The following SLC36A1 variants were observed in gnomAD, a reference collection of about 807,000 sequenced individuals.
SLC36A1 encodes proton-coupled amino acid transporter 1.
SLC36A1 carries 30 observed loss-of-function variants against 47.5 expected under a neutral mutation model. The observed-to-expected ratio is 0.63, with a 90% CI of 0.47 to 0.86. The LOEUF (loss-of-function observed/expected upper bound fraction) is 0.86, where lower values mean the gene tolerates loss of function less well. Ranked by LOEUF, SLC36A1 falls within the 40% of genes least tolerant of loss-of-function variation. The pLI is 0.00. For missense variants in SLC36A1, 517 were observed against 606.0 expected (o/e 0.85, Z 1.54); for synonymous variants, 255 against 249.7 (o/e 1.02, Z -0.20).
At chr5:151,389,122 T>C in the SLC36A1 span, among the ~76,000 whole-genome samples, 2 of 152,202 alleles carry the variant, frequency 1.3e-5, no homozygotes, top group Non-Finnish European at 2.9e-5. Flanking sequence ...GTATTTCAGG[T>C]CCGGTGGTTC....
downstream of SLC36A1, among the ~76,000 whole-genome samples, chr5:151,496,129 G>A (rs913198421): frequency 6.6e-6 from 1 of 152,084 alleles, no homozygotes; most frequent in Non-Finnish European, 1.5e-5. Flanking sequence ...TGACTGATTT[G>A]TGGGGGCATG....
the SLC36A1 span, among the ~76,000 whole-genome samples, chr5:151,421,983 G>GA: frequency 1.3e-5 from 2 of 152,120 alleles, no homozygotes; most frequent in East Asian, 1.9e-4. Flanking sequence ...GGAAACTGCA[G>GA]GAAAAAAACA....
the SLC36A1 span, among the ~76,000 whole-genome samples, chr5:151,418,523 T>A: frequency 5.3e-5 from 8 of 152,202 alleles, no homozygotes; most frequent in African/African-American, 1.9e-4. Flanking sequence ...AGCTTTAAGG[T>A]TTGACTGCCC....
At chr5:151,549,182 C>T in the SLC36A1 span, 1 of 962,846 alleles carries the variant, frequency 1.0e-6, no homozygotes, top group Non-Finnish European at 1.5e-6. Context: ...TATTGTTTGC[C>T]AAGGCTTAAT....
the SLC36A1 span, among the ~76,000 whole-genome samples, chr5:151,539,116 G>A: frequency 1.3e-5 from 2 of 152,114 alleles, no homozygotes; most frequent in African/African-American, 4.8e-5. Context: ...AATGATGGCT[G>A]AGGGAAAAGA....
chr5:151,466,357 A>C (rs1042296766), intron 5 of SLC36A1, among the ~76,000 whole-genome samples: 6 of 152,226 alleles, frequency 3.9e-5, no homozygotes, highest in African/African-American at 1.4e-4. Flanking sequence ...AGAAACATAC[A>C]CATGTTCTTA....
At chr5:151,390,646 C>G in the SLC36A1 span, among the ~76,000 whole-genome samples, 1 of 152,208 alleles carries the variant, frequency 6.6e-6, no homozygotes, top group South Asian at 2.1e-4. Flanking sequence ...TTTCCCAGCA[C>G]CATTTATTAA....
At chr5:151,510,931 C>T in the SLC36A1 span, 1 of 152,658 alleles carries the variant, frequency 6.6e-6, no homozygotes, top group African/African-American at 2.4e-5. Flanking sequence ...AGAGTTTGAA[C>T]TATGGCCTGG....
the SLC36A1 span, among the ~76,000 whole-genome samples, chr5:151,350,807 T>C: frequency 1.3e-5 from 2 of 151,874 alleles, no homozygotes; most frequent in Admixed American, 1.3e-4. Context: ...GCTCAAGTGA[T>C]CCTCCCACCT....
intron 1 of SLC36A1, among the ~76,000 whole-genome samples, chr5:151,439,913 T>G (rs1752522978): frequency 6.6e-6 from 1 of 152,212 alleles, no homozygotes; most frequent in South Asian, 2.1e-4. Flanking sequence ...TTTTTCTAAT[T>G]TCCACTCCAA....
At chr5:151,507,704 C>A in the SLC36A1 span, 104 of 1,151,538 alleles carry the variant, frequency 9.0e-5, no homozygotes, top group Middle Eastern at 3.0e-4. Context: ...ACTGCTCCCC[C>A]CAAAACCTAC....
intron 10 of SLC36A1, among the ~76,000 whole-genome samples, chr5:151,485,487 T>A (rs1031995581): frequency 2.0e-5 from 3 of 152,206 alleles, no homozygotes; most frequent in African/African-American, 7.2e-5. Context: ...AAAGCTAGCC[T>A]GGGTATCTAC....
At chr5:151,540,879 TCCTTCC>T in the SLC36A1 span, 1 of 964,786 alleles carries the variant, frequency 1.0e-6, no homozygotes, top group South Asian at 1.8e-5. Context: ...AGCAAACATT[TCCTTCC>T]TTAACTAGGA....
upstream of SLC36A1, among the ~76,000 whole-genome samples, chr5:151,436,302 G>T (rs990619160): frequency 4.6e-5 from 7 of 151,998 alleles, no homozygotes; most frequent in African/African-American, 1.7e-4. Flanking sequence ...AATTAGTTTT[G>T]CCTGCTCTTG....
chr5:151,460,434 A>C (rs1755344699), intron 2 of SLC36A1, among the ~76,000 whole-genome samples: 1 of 152,194 alleles, frequency 6.6e-6, no homozygotes, highest in African/African-American at 2.4e-5. Context: ...GTTTCTTGGA[A>C]ATCGAACAAA....
the SLC36A1 span, chr5:151,505,150 A>G: frequency 3.6e-5 from 10 of 278,094 alleles, no homozygotes; most frequent in African/African-American, 4.6e-5. Flanking sequence ...TCAGGCACCA[A>G]CCTGCCTGCC....
chr5:151,545,141 G>C, the SLC36A1 span: 4 of 1,614,186 alleles, frequency 2.5e-6, no homozygotes, highest in Non-Finnish European at 3.4e-6. Flanking sequence ...TCATTCAAAT[G>C]ATTGCCCTGG....
chr5:151,469,307 G>T, intron 7 of SLC36A1: 2 of 680,550 alleles, frequency 2.9e-6, no homozygotes, highest in Non-Finnish European at 5.3e-6. Context: ...AATATATTTT[G>T]TTTTCATTTT....
chr5:151,555,497 G>C, the SLC36A1 span, among the ~76,000 whole-genome samples: 1 of 150,702 alleles, frequency 6.6e-6, no homozygotes, highest in Non-Finnish European at 1.5e-5. Flanking sequence ...AGCCTCCCCG[G>C]TAGCTGGGAT....
Sources: gnomAD v4.1 joint callset for allele counts (sites outside exome capture counted in the v4.1 genomes callset) on GRCh38, gnomAD v4.1.1 for gene constraint, MANE v1.5 for transcripts, NCBI Gene and HGNC (gene_info 2026-07-23, HGNC 2026-07-21) for gene names.